Variants in CELF6 observed in about 807,000 individuals in gnomAD.
CELF6 encodes the protein CUGBP Elav-like family member 6.
In CELF6, 32 loss-of-function variants were observed where a neutral mutation model predicts 53.1. The ratio of observed to expected loss-of-function variants is 0.60; its 90% CI spans 0.46 to 0.81. The LOEUF is 0.81. Among genes scored for constraint, CELF6 ranks in the 30% least tolerant of loss-of-function variants. CELF6 has a pLI of 0.00. For synonymous variants in CELF6, 291 were observed against 288.8 expected, an observed-to-expected ratio of 1.01 and a Z score of -0.08; for missense variants, 539 against 669.5, an observed-to-expected ratio of 0.81 and a Z score of 2.15.
intron 1 of CELF6, among the ~76,000 whole-genome samples, chr15:72,317,426 C>T (rs758847911): frequency 6.6e-6 from 1 of 152,106 alleles, no homozygotes; most frequent in Non-Finnish European, 1.5e-5. Context: ...GGTTTATTGC[C>T]GGACATTCAT....
At chr15:72,294,726 C>T (rs1318111964) in intron 3 of CELF6, among the ~76,000 whole-genome samples, 1 of 152,096 alleles carries the variant, frequency 6.6e-6, no homozygotes, top group Non-Finnish European at 1.5e-5. Context: ...GCCTATAATC[C>T]CAGCACTTTG....
intron 3 of CELF6, among the ~76,000 whole-genome samples, chr15:72,299,293 C>G (rs1468455461): frequency 6.6e-6 from 1 of 151,866 alleles, no homozygotes; most frequent in Non-Finnish European, 1.5e-5. Flanking sequence ...GAATTTTTAC[C>G]CATACAAACA....
At chr15:72,304,845 G>C (rs1323011653) in intron 2 of CELF6, 51 bp from the exon 3 acceptor site, 1 of 1,586,680 alleles carries the variant, frequency 6.3e-7, no homozygotes. Flanking sequence ...CCTGGTCCTG[G>C]AGCCCCCAGC....
At chr15:72,309,635 C>T (rs1190924165) in intron 2 of CELF6, among the ~76,000 whole-genome samples, 1 of 152,126 alleles carries the variant, frequency 6.6e-6, no homozygotes, top group Non-Finnish European at 1.5e-5. Flanking sequence ...GGGATTTAGG[C>T]ATGTTATGTG....
At chr15:72,312,936 C>T (rs2088316782) in intron 2 of CELF6, among the ~76,000 whole-genome samples, 1 of 152,172 alleles carries the variant, frequency 6.6e-6, no homozygotes, top group Non-Finnish European at 1.5e-5. Flanking sequence ...CTGGGGCTGG[C>T]CAACACAGCC....
chr15:72,287,422 G>A (rs865826368), intron 11 of CELF6, 30 bp from the exon 12 acceptor site: 3 of 1,612,644 alleles, frequency 1.9e-6, no homozygotes, highest in African/African-American at 2.7e-5. Flanking sequence ...AGATTAGCTG[G>A]GGACTCTGCC....
chr15:72,293,713 A>G lies in CELF6; in HGVS notation c.395-3458T>C, dbSNP rs977987916. Among the ~76,000 whole-genome samples the G allele has an allele frequency of 6.2e-5, 7 of 112,086 alleles. No individual in the cohort carries two copies. The East Asian group carries it at 1.8e-3, about 28-fold the overall frequency. The allele number at this position is 112,086 out of a possible 152,430, so 73.5% of individuals were successfully genotyped here. On this transcript the variant is annotated intron_variant, in intron 3 of 12. Transcript: ENST00000287202. ...TCAAATGCTTTTTTTTTTTTTTTTGACACTGAGTCTTGCTCTGTCACCCAA... is the reference window on the plus strand; with the variant it reads ...TCAAATGCTTTTTTTTTTTTTTTTGGCACTGAGTCTTGCTCTGTCACCCAA...
At position 72,289,508 on chromosome 15, in the gene CELF6, C is replaced by A. The variant is rs1206598829; in HGVS notation, c.748-1G>T. ...GCAGGGCCGCCTGGTGCTGCAGGATCTTTGAGAGGAAAGATGGGCGAGAGT... is the reference window on the plus strand; with the variant it reads ...GCAGGGCCGCCTGGTGCTGCAGGATATTTGAGAGGAAAGATGGGCGAGAGT... On this transcript the variant is annotated splice_acceptor_variant, in intron 6 of 12. Coordinates refer to ENST00000287202, the MANE Select transcript of CELF6 (RefSeq NM_052840.5). LOFTEE classifies it high-confidence loss of function. The surrounding 1 kb of genome is among the most constrained non-coding windows in gnomAD (Gnocchi z 7.6). The A allele has an allele frequency of 6.6e-7, 1 of 1,513,414 alleles. No individual in the cohort carries two copies. The highest frequency in any genetic ancestry group is 1.2e-5 in the South Asian group (1 of 82,044). 93.7% of individuals were successfully genotyped at this position (1,513,414 alleles called of 1,614,324 possible).
chr15:72,296,787 A>C (rs2088084727), intron 3 of CELF6, among the ~76,000 whole-genome samples: 1 of 152,258 alleles, frequency 6.6e-6, no homozygotes, highest in African/African-American at 2.4e-5. Context: ...GCTATCAAAG[A>C]AACAGAAAAT....
At chr15:72,297,826 A>G (rs2088099782) in intron 3 of CELF6, among the ~76,000 whole-genome samples, 1 of 152,190 alleles carries the variant, frequency 6.6e-6, no homozygotes, top group African/African-American at 2.4e-5. Flanking sequence ...TACAATGTGA[A>G]TGTACTTAGC....
In CELF6 at chr15:72,289,265, G is replaced by T. The variant is rs756326200; in HGVS notation, c.903C>A (p.Ser301Arg). The stretch of plus-strand genomic sequence containing the variant: ...GAAGACCTGGGAGGGTGCCAGGGCC[G>T]CTGCCAGGCGGGGAGTTGGCTGCTG... ...PAAAANSPPGSGPGTLPGLPA... is the reference protein window; with the variant it reads ...PAAAANSPPGRGPGTLPGLPA... The change falls in exon 8 of 13, where the codon AGC becomes AGA. Residue 301 changes from serine to arginine, a missense_variant. This residue lies in a region of CELF6 where 358 missense variants were observed against 412.8 expected (regional missense o/e 0.87). Coordinates refer to ENST00000287202, the MANE Select transcript of CELF6 (RefSeq NM_052840.5). The surrounding 1 kb of genome is among the most constrained non-coding windows in gnomAD (Gnocchi z 7.6). 6.3e-7 allele frequency: 1 copy of T among 1,579,836 alleles called. No homozygotes were observed. Among genetic ancestry groups the T allele is most frequent in the East Asian group, 2.3e-5 (1 of 43,700 alleles).
intron 2 of CELF6, chr15:72,306,279 C>A: frequency 1.0e-6 from 1 of 985,246 alleles, no homozygotes; most frequent in African/African-American, 1.7e-5. Context: ...GAGGGAAAAA[C>A]AGCGGCCTTC....
chr15:72,295,313 G>A (rs540153974), intron 3 of CELF6, among the ~76,000 whole-genome samples: 23 of 152,276 alleles, frequency 1.5e-4, no homozygotes, highest in Admixed American at 7.2e-4. Context: ...TCCAGCCTGG[G>A]TGACAGAGTA....
At chr15:72,312,628 C>CA (rs1310210026) in intron 2 of CELF6, among the ~76,000 whole-genome samples, 5 of 151,994 alleles carry the variant, frequency 3.3e-5, no homozygotes, top group African/African-American at 9.7e-5. Flanking sequence ...GGCTGTGTCT[C>CA]AAAAAAACAC....
In CELF6 at chr15:72,315,869, C is replaced by T. The variant is rs779741964; in HGVS notation, c.321G>A (p.Leu107=). 4 of 1,605,942 alleles carry T rather than the reference C, an allele frequency of 2.5e-6. No individual in the cohort carries two copies. In the African/African-American group the frequency reaches 4.0e-5, roughly 16 times the overall value. ...CCCCTGGCAGGGTCTTCTGCTCGTG[C>T]AGTGCACTCTGGGCCTTGAGAGCAG... ...RDSALKAQSA[L]HEQKTLPGMN... The change falls in exon 2 of 13, where the codon CTG becomes CTA. Residue 107 remains leucine (L), a synonymous_variant. Transcript: ENST00000287202.
chr15:72,288,751 G>T lies in CELF6; in HGVS notation c.1093+117C>A. ...TCACCCCAAGAGAGGTCGTTCTGGG[G>T]GTAGGAGGGGATGGGAGGATCAACT... On this transcript the variant is annotated intron_variant, in intron 9 of 12. Transcript: ENST00000287202. The surrounding 1 kb of genome is among the most constrained non-coding windows in gnomAD (Gnocchi z 4.6). 7.4e-7 allele frequency: 1 copy of T among 1,348,198 alleles called. No homozygotes were observed. The highest frequency in any genetic ancestry group is 1.0e-6 in the Non-Finnish European group (1 of 960,224). The allele number at this position is 1,348,198 out of a possible 1,614,324, so 83.5% of individuals were successfully genotyped here. A position where few individuals can be genotyped will look rare whatever the true frequency, so the allele number is the denominator to read the frequency against.
At position 72,288,474 on chromosome 15, in the gene CELF6, G is replaced by T; in HGVS notation, c.1175-23C>A. On this transcript the variant is annotated intron_variant, in intron 10 of 12. Transcript: ENST00000287202. This position sits in a 1 kb window ranked among gnomAD's most constrained non-coding sequence, Gnocchi z 4.6. ...GGCCTGGAGGAACAGTAGCAAGCTGGTTCAGGGGAAGGACCCTGAGTCCAG... is the reference window on the plus strand; with the variant it reads ...GGCCTGGAGGAACAGTAGCAAGCTGTTTCAGGGGAAGGACCCTGAGTCCAG... 1 of 1,614,154 alleles carries T rather than the reference G, an allele frequency of 6.2e-7. No homozygotes were observed. Among genetic ancestry groups the T allele is most frequent in the Non-Finnish European group, 8.5e-7 (1 of 1,180,010 alleles).
At chr15:72,312,908 T>C (rs1027867219) in intron 2 of CELF6, among the ~76,000 whole-genome samples, 1 of 152,254 alleles carries the variant, frequency 6.6e-6, no homozygotes, top group Non-Finnish European at 1.5e-5. Context: ...AGAGGAAAGA[T>C]TGATGGCACA....
chr15:72,294,026 T>C (rs546547832), intron 3 of CELF6, among the ~76,000 whole-genome samples: 2 of 152,260 alleles, frequency 1.3e-5, no homozygotes, highest in African/African-American at 4.8e-5. Context: ...AACAAGTGGC[T>C]TAGGCTCCCA....
Sources: gnomAD v4.1 joint callset for allele counts (sites outside exome capture counted in the v4.1 genomes callset) on GRCh38, gnomAD v4.1.1 for gene constraint, gnomAD v4.1.1 regional missense constraint, Gnocchi (gnomAD v3.1) non-coding constraint, MANE v1.5 for transcripts, NCBI Gene and HGNC (gene_info 2026-07-23, HGNC 2026-07-21) for gene names.